Variants in DTNB observed in about 807,000 individuals in gnomAD.
DTNB encodes the protein dystrobrevin beta.
DTNB carries 63 observed loss-of-function variants against 90.7 expected under a neutral mutation model. The ratio of observed to expected loss-of-function variants is 0.69; its 90% confidence interval spans 0.57 to 0.86. DTNB has a LOEUF of 0.86. DTNB is among the 40% of genes least tolerant of loss of function. DTNB has a pLI of 0.00. For missense variants in DTNB, 744 were observed against 807.1 expected, an observed-to-expected ratio of 0.92 and a Z score of 0.95; for synonymous variants, 277 against 286.7, an observed-to-expected ratio of 0.97 and a Z score of 0.34.
intron 3 of DTNB, among the ~76,000 whole-genome samples, chr2:25,634,131 G>A (rs1160209541): frequency 6.7e-6 from 1 of 150,130 alleles, no homozygotes. Context: ...CCCCTGCCCG[G>A]CCAGCCGCCC....
At chr2:25,420,288 T>C (rs1290081489) in intron 15 of DTNB, among the ~76,000 whole-genome samples, 4 of 148,246 alleles carry the variant, frequency 2.7e-5, no homozygotes, top group African/African-American at 7.6e-5. Context: ...TTTTTTTTTT[T>C]CAGTGAGTCC....
chr2:25,642,085 G>A (rs1268222251), intron 2 of DTNB, among the ~76,000 whole-genome samples: 1 of 152,194 alleles, frequency 6.6e-6, no homozygotes, highest in African/African-American at 2.4e-5. Flanking sequence ...CTCCCAAAGT[G>A]CTGGGATTAC....
intron 16 of DTNB, among the ~76,000 whole-genome samples, chr2:25,410,625 G>A (rs948592298): frequency 1.2e-4 from 18 of 152,134 alleles, no homozygotes; most frequent in African/African-American, 3.9e-4. Flanking sequence ...AATTATATGA[G>A]GTATTCAAAC....
intron 8 of DTNB, 175 bp downstream of exon 8, chr2:25,576,663 T>G: frequency 6.1e-6 from 5 of 818,570 alleles, no homozygotes; most frequent in Non-Finnish European, 8.7e-6. Flanking sequence ...AATTCTGCTT[T>G]TAAAATCAAG....
chr2:25,586,727 A>C (rs1377530668), intron 6 of DTNB, among the ~76,000 whole-genome samples: 1 of 152,078 alleles, frequency 6.6e-6, no homozygotes, highest in African/African-American at 2.4e-5. Context: ...AGAAGAAGGC[A>C]TATTTTTGCT....
intron 8 of DTNB, among the ~76,000 whole-genome samples, chr2:25,558,670 C>T (rs1027234317): frequency 1.3e-5 from 2 of 152,154 alleles, no homozygotes; most frequent in East Asian, 1.9e-4. Context: ...TGAATGTTCT[C>T]GTTTTAAACT....
Position 25,388,199 on chromosome 2 carries a change from C to T in DTNB, c.1735+3G>A. Reference sequence around the variant, plus strand: ...CCCGCTGAACTCTGCTCCAGAAACTCACCTTGTGCGAAGGCCTCCTGCACG... The same window carrying T: ...CCCGCTGAACTCTGCTCCAGAAACTTACCTTGTGCGAAGGCCTCCTGCACG... On this transcript the variant is annotated splice_donor_region_variant and intron_variant, in intron 17 of 20. Coordinates refer to ENST00000406818, the MANE Select transcript of DTNB (RefSeq NM_021907.5). The T allele has an allele frequency of 1.3e-6, 2 of 1,563,170 alleles. No individual in the cohort carries two copies. The highest frequency in any genetic ancestry group is 1.7e-6 in the Non-Finnish European group (2 of 1,154,714).
Position 25,387,352 on chromosome 2 carries a change from G to T in DTNB, c.1762C>A (p.Leu588Met), listed in dbSNP as rs2039769211. The T allele has an allele frequency of 1.2e-6, 2 of 1,612,338 alleles. No individual in the cohort carries two copies. Among genetic ancestry groups the T allele is most frequent in the Admixed American group, 3.3e-5 (2 of 59,986 alleles). The change falls in exon 18 of 21, where the codon CTG becomes ATG. Residue 588 changes from leucine (L) to methionine (M), a missense_variant. By Grantham distance (15) the Leu-to-Met change is conservative (BLOSUM62 2). Transcript: ENST00000406818. This position sits in a 1 kb window ranked among gnomAD's most constrained non-coding sequence, Gnocchi z 4.5. The stretch of plus-strand genomic sequence containing the variant: ...GTGATGGAGTCAGCTGCCACCAGCA[G>T]GTCATTGCGGAGGTTTCTCCTCGTA... The part of the protein sequence containing the change: ...QGTRRNLRND[L>M]LVAADSITNT...
rs140125731 is a variant in DTNB at position 25,628,989 on chromosome 2, G to A, written c.149-605C>T. Reference sequence around the variant, plus strand: ...CCATTTCCAGTAATAAAGTAGGCGCGGTAGCTGGGTCTACACTCTTCTTGA... The same window carrying A: ...CCATTTCCAGTAATAAAGTAGGCGCAGTAGCTGGGTCTACACTCTTCTTGA... On this transcript the variant is annotated intron_variant, in intron 3 of 20. Transcript: ENST00000406818. 1.7e-3 allele frequency among the ~76,000 whole-genome samples: 261 copies of A among 152,136 alleles called. 1 individual carries two copies. The highest frequency in any genetic ancestry group is 5.5e-3 in the African/African-American group (227 of 41,498).
chr2:25,645,084 GA>G (rs1163950097), intron 2 of DTNB, among the ~76,000 whole-genome samples: 1 of 152,080 alleles, frequency 6.6e-6, no homozygotes, highest in African/African-American at 2.4e-5. Flanking sequence ...AGCAAGCAAA[GA>G]AAGTGGTAAC....
chr2:25,672,691 A>C (rs1227032470), intron 1 of DTNB: 3 of 152,236 alleles, frequency 2.0e-5, no homozygotes, highest in African/African-American at 7.2e-5. Flanking sequence ...TTTCATGTGC[A>C]TATCTTCACA....
intron 9 of DTNB, among the ~76,000 whole-genome samples, chr2:25,503,335 A>AT (rs1167550892): frequency 6.6e-6 from 1 of 151,924 alleles, no homozygotes; most frequent in Non-Finnish European, 1.5e-5. Flanking sequence ...CAAAAAAAAA[A>AT]TTTTAAAAAT....
chr2:25,623,426 C>T (rs2073300872), intron 4 of DTNB, among the ~76,000 whole-genome samples: 1 of 152,218 alleles, frequency 6.6e-6, no homozygotes, highest in African/African-American at 2.4e-5. Flanking sequence ...GAGGCTTGGA[C>T]TTGCCAAGGC....
intron 16 of DTNB, among the ~76,000 whole-genome samples, chr2:25,402,133 A>T (rs138856346): frequency 6.6e-6 from 1 of 152,338 alleles, no homozygotes; most frequent in Non-Finnish European, 1.5e-5. Flanking sequence ...GCTGGTGGTG[A>T]CCATGCTAGG....
intron 16 of DTNB, among the ~76,000 whole-genome samples, chr2:25,408,103 C>T (rs147743424): frequency 0.015 from 2,244 of 151,766 alleles, 57 homozygotes; most frequent in African/African-American, 0.05. Context: ...GTCAGGAGTT[C>T]GAGACTAGCC....
intron 8 of DTNB, among the ~76,000 whole-genome samples, chr2:25,553,018 G>A (rs952008496): frequency 6.6e-5 from 10 of 150,694 alleles, no homozygotes; most frequent in African/African-American, 2.2e-4. Context: ...CCGCCACCAC[G>A]CCCGGCTAAT....
chr2:25,447,654 G>A (rs2058627305), intron 12 of DTNB, among the ~76,000 whole-genome samples: 1 of 151,822 alleles, frequency 6.6e-6, no homozygotes, highest in African/African-American at 2.4e-5. Flanking sequence ...ACAGGCGTAT[G>A]CCACCACACC....
chr2:25,388,460 G>A (rs1282422769), intron 16 of DTNB, 99 bp from the exon 17 acceptor site: 1 of 1,431,682 alleles, frequency 7.0e-7, no homozygotes, highest in Non-Finnish European at 9.3e-7. Flanking sequence ...CCAGCCAGTG[G>A]GCCTCAGTTC....
At chr2:25,469,876 G>C (rs1008009327) in intron 10 of DTNB, among the ~76,000 whole-genome samples, 1 of 152,150 alleles carries the variant, frequency 6.6e-6, no homozygotes, top group Non-Finnish European at 1.5e-5. Context: ...ACCAGAGTGA[G>C]GCAAAAGAGA....
Sources: allele counts gnomAD v4.1 joint callset (sites outside exome capture counted in the v4.1 genomes callset), GRCh38; gene constraint gnomAD v4.1.1; non-coding constraint Gnocchi (gnomAD v3.1); transcripts MANE v1.5; gene names NCBI Gene and HGNC (gene_info 2026-07-23, HGNC 2026-07-21).